Variants in RBMS1 observed in about 807,000 individuals in gnomAD.
The protein encoded by RBMS1 is RNA binding motif single stranded interacting protein 1.
Under a neutral mutation model 62.3 loss-of-function variants are expected in RBMS1, and 17 were observed. That is an observed-to-expected ratio of 0.27 (90% CI 0.19 to 0.41). RBMS1 has a LOEUF of 0.41. Among genes scored for constraint, RBMS1 ranks in the 10% least tolerant of loss-of-function variants. RBMS1 has a pLI of 1.00. For synonymous variants in RBMS1, 172 were observed against 170.0 expected (o/e 1.01, Z -0.09); for missense variants, 334 against 504.5 (o/e 0.66, Z 3.24).
intron 1 of RBMS1, among the ~76,000 whole-genome samples, chr2:160,449,248 T>TG (rs1250269353): frequency 5.6e-5 from 8 of 142,162 alleles, no homozygotes; most frequent in Admixed American, 2.1e-4. Context: ...GGGAGGGAGG[T>TG]GGGGGGCGCC....
At chr2:160,387,322 T>G (rs80247077) in intron 1 of RBMS1, among the ~76,000 whole-genome samples, 96 of 152,208 alleles carry the variant, frequency 6.3e-4, no homozygotes, top group African/African-American at 2.2e-3. Flanking sequence ...TTTTTTTTTT[T>G]GCAGTCTTCC....
intron 2 of RBMS1, among the ~76,000 whole-genome samples, chr2:160,349,979 G>A (rs1692404460): frequency 1.3e-5 from 2 of 151,974 alleles, no homozygotes; most frequent in South Asian, 4.1e-4. Flanking sequence ...AAGGATCCAG[G>A]GGAGGAGCAG....
At chr2:160,486,622 G>C (rs915110412) in intron 1 of RBMS1, among the ~76,000 whole-genome samples, 2 of 152,162 alleles carry the variant, frequency 1.3e-5, no homozygotes, top group African/African-American at 2.4e-5. Flanking sequence ...AGGACAACAG[G>C]ACTCCTGAAG....
chr2:160,338,476 T>C (rs1056233890), intron 2 of RBMS1, among the ~76,000 whole-genome samples: 6 of 152,140 alleles, frequency 3.9e-5, no homozygotes, highest in African/African-American at 1.4e-4. Context: ...GTACATTCTA[T>C]TGTCTATCTA....
At chr2:160,319,104 C>T (rs1690397797) in intron 2 of RBMS1, among the ~76,000 whole-genome samples, 2 of 152,154 alleles carry the variant, frequency 1.3e-5, no homozygotes, top group Admixed American at 1.3e-4. Context: ...GAACCGAACC[C>T]CACACTCTCT....
intron 2 of RBMS1, among the ~76,000 whole-genome samples, chr2:160,349,032 T>A (rs1012634802): frequency 6.6e-6 from 1 of 152,144 alleles, no homozygotes; most frequent in East Asian, 1.9e-4. Context: ...CTTTTTTGGA[T>A]CACAGAGCAG....
At chr2:160,293,503 G>C (rs1482002927) in intron 6 of RBMS1, among the ~76,000 whole-genome samples, 1 of 152,220 alleles carries the variant, frequency 6.6e-6, no homozygotes, top group Non-Finnish European at 1.5e-5. Context: ...TGAGCGATGT[G>C]GCAGAATGAT....
At chr2:160,300,817 G>A in intron 5 of RBMS1, 87 bp from the exon 6 acceptor site, 1 of 1,325,398 alleles carries the variant, frequency 7.5e-7, no homozygotes. Flanking sequence ...ATTCTTATAG[G>A]TTTTTTGGAT....
chr2:160,321,859 T>TA (rs1690579177), intron 2 of RBMS1, among the ~76,000 whole-genome samples: 1 of 152,216 alleles, frequency 6.6e-6, no homozygotes. Context: ...AAAAAACACA[T>TA]AATAGTTCTC....
At chr2:160,484,280 G>A (rs1437275970) in intron 1 of RBMS1, among the ~76,000 whole-genome samples, 1 of 151,862 alleles carries the variant, frequency 6.6e-6, no homozygotes, top group South Asian at 2.1e-4. Context: ...CAGATTACGA[G>A]GTCAGCAGAT....
At chr2:160,486,286 C>A (rs1254517194) in intron 1 of RBMS1, among the ~76,000 whole-genome samples, 1 of 152,056 alleles carries the variant, frequency 6.6e-6, no homozygotes, top group Non-Finnish European at 1.5e-5. Flanking sequence ...TCCTCCACCC[C>A]CCACCCCCAG....
At chr2:160,391,578 G>A (rs1332918014) in intron 1 of RBMS1, among the ~76,000 whole-genome samples, 1 of 152,130 alleles carries the variant, frequency 6.6e-6, no homozygotes, top group African/African-American at 2.4e-5. Flanking sequence ...ATTTTTAAAA[G>A]AAAAACATTA....
intron 2 of RBMS1, among the ~76,000 whole-genome samples, chr2:160,335,454 G>T (rs1573882830): frequency 6.6e-6 from 1 of 152,278 alleles, no homozygotes; most frequent in Admixed American, 6.5e-5. Flanking sequence ...TGTTCAAATT[G>T]TTGTGTGTAA....
intron 2 of RBMS1, among the ~76,000 whole-genome samples, chr2:160,342,115 TATC>T (rs1691904632): frequency 6.6e-6 from 1 of 152,158 alleles, no homozygotes; most frequent in South Asian, 2.1e-4. Flanking sequence ...CTTGGCATAA[TATC>T]ATTAAACTGG....
chr2:160,296,013 T>C (rs1688916548), intron 6 of RBMS1, among the ~76,000 whole-genome samples: 1 of 152,214 alleles, frequency 6.6e-6, no homozygotes, highest in Non-Finnish European at 1.5e-5. Flanking sequence ...GGGACTAATG[T>C]GTGGGGCCCT....
intron 1 of RBMS1, among the ~76,000 whole-genome samples, chr2:160,423,055 C>A (rs1213061121): frequency 6.6e-6 from 1 of 152,134 alleles, no homozygotes; most frequent in East Asian, 1.9e-4. Flanking sequence ...TCTTGGCACT[C>A]TTCTCTATCC....
intron 1 of RBMS1, among the ~76,000 whole-genome samples, chr2:160,370,782 CA>C (rs548016744): frequency 6.6e-6 from 1 of 152,252 alleles, no homozygotes; most frequent in South Asian, 2.1e-4. Context: ...GACTAATTAC[CA>C]AATTCCAGCT....
chr2:160,371,649 C>T (rs1693729587), intron 1 of RBMS1, among the ~76,000 whole-genome samples: 1 of 152,178 alleles, frequency 6.6e-6, no homozygotes, highest in African/African-American at 2.4e-5. Context: ...GTATTAGACC[C>T]TCAGCCTTTC....
chr2:160,313,098 G>T, intron 4 of RBMS1, 58 bp downstream of exon 4: 1 of 1,525,166 alleles, frequency 6.6e-7, no homozygotes, highest in Non-Finnish European at 9.1e-7. Context: ...AAGCAGACCT[G>T]TCGGGCTTCA....
Sources: gnomAD v4.1 joint callset for allele counts (sites outside exome capture counted in the v4.1 genomes callset) on GRCh38, gnomAD v4.1.1 for gene constraint, MANE v1.5 for transcripts, NCBI Gene and HGNC (gene_info 2026-07-23, HGNC 2026-07-21) for gene names.